Variants in LYPD1 observed in about 807,000 individuals in gnomAD.
The protein encoded by LYPD1 is ly6/PLAUR domain-containing protein 1.
Under a neutral mutation model 14.2 loss-of-function variants are expected in LYPD1, and 14 were observed. The ratio of observed to expected loss-of-function variants is 0.99; its 90% CI spans 0.65 to 1.54. LYPD1 has a LOEUF of 1.54. Among genes scored for constraint, LYPD1 ranks in the 40% most tolerant of loss-of-function variants. The pLI is 0.00. For synonymous variants in LYPD1, 85 were observed against 70.6 expected (o/e 1.20, Z -1.02); for missense variants, 165 against 175.7 (o/e 0.94, Z 0.34).
chr2:132,668,322 C>G (rs1683401635), intron 2 of LYPD1, 78 bp downstream of exon 2: 2 of 1,485,668 alleles, frequency 1.3e-6, no homozygotes, highest in Non-Finnish European at 9.0e-7. Context: ...AGTCCTTTTT[C>G]CTGCTATTTA....
chr2:132,661,942 A>G (rs903139205), intron 2 of LYPD1, among the ~76,000 whole-genome samples: 15 of 20,328 alleles, frequency 7.4e-4, no homozygotes, highest in Non-Finnish European at 1.1e-3. Context: ...ACCACAGCGG[A>G]AAAAAAAAAA....
intron 2 of LYPD1, among the ~76,000 whole-genome samples, chr2:132,647,327 G>T (rs1249617203): frequency 6.6e-6 from 1 of 152,254 alleles, no homozygotes; most frequent in Non-Finnish European, 1.5e-5. Flanking sequence ...TGTCAAGACG[G>T]TGTTTACTGT....
Position 132,645,978 on chromosome 2 carries a change from G to A in LYPD1, c.*67C>T. ...AGGACACCCAGAAGAAACTCACTCA[G>A]GGAGGTGGGGGGTTGGGGGCGAGGG... On this transcript the variant is annotated 3_prime_UTR_variant, in exon 3 of 3. Transcript: ENST00000397463. The A allele has an allele frequency of 8.2e-7, 1 of 1,223,580 alleles. No homozygotes were observed. Among genetic ancestry groups the A allele is most frequent in the South Asian group, 1.6e-5 (1 of 63,238 alleles). The allele number at this position is 1,223,580 out of a possible 1,614,324, so 75.8% of individuals were successfully genotyped here.
upstream of LYPD1, among the ~76,000 whole-genome samples, chr2:132,670,668 T>C (rs541392158): frequency 6.6e-6 from 1 of 152,236 alleles, no homozygotes; most frequent in African/African-American, 2.4e-5. This position sits in a 1 kb window ranked among gnomAD's most constrained non-coding sequence, Gnocchi z 4.5. Context: ...CCCGGGAGGC[T>C]GACAGGAAGG....
At position 132,647,478 on chromosome 2, in the gene LYPD1, G is replaced by A. The variant is rs535821145; in HGVS notation, c.191-1198C>T. On this transcript the variant is annotated intron_variant, in intron 2 of 2. Coordinates refer to ENST00000397463, the MANE Select transcript of LYPD1 (RefSeq NM_144586.7). ...CGGAGTCTTGCTCTGTCGCCCAGGC[G>A]CCCGCCACCACACCCGACTAACTTT... Among the ~76,000 whole-genome samples, 86 of 152,142 alleles carry A rather than the reference G, an allele frequency of 5.7e-4. 1 individual carries two copies. The highest frequency in any genetic ancestry group is 1.9e-3 in the African/African-American group (79 of 41,544).
At chr2:132,661,735 A>G (rs1435584322) in intron 2 of LYPD1, among the ~76,000 whole-genome samples, 1 of 152,142 alleles carries the variant, frequency 6.6e-6, no homozygotes. Context: ...GGCTGGGAAA[A>G]GGGGAAAATG....
At chr2:132,665,192 C>A (rs1043537834) in intron 2 of LYPD1, among the ~76,000 whole-genome samples, 2 of 152,174 alleles carry the variant, frequency 1.3e-5, no homozygotes, top group Non-Finnish European at 2.9e-5. Context: ...TTAAATGTAC[C>A]TGCCTCAAAA....
upstream of LYPD1, chr2:132,670,312 G>C (rs1291777660): frequency 3.5e-6 from 1 of 284,944 alleles, no homozygotes. The surrounding 1 kb of genome is among the most constrained non-coding windows in gnomAD (Gnocchi z 4.5). Context: ...TGGCGGGCGG[G>C]GAAGGCTGGG....
At chr2:132,647,152 G>A (rs1336184602) in intron 2 of LYPD1, among the ~76,000 whole-genome samples, 3 of 152,266 alleles carry the variant, frequency 2.0e-5, no homozygotes, top group African/African-American at 7.2e-5. Context: ...CACCCTTAGC[G>A]TGTCAGCTTC....
rs975480976 is a variant in LYPD1 at position 132,645,460 on chromosome 2, G to C, written c.*585C>G. 1 of 1,613,900 alleles carries C rather than the reference G, an allele frequency of 6.2e-7. No homozygotes were observed. On this transcript the variant is annotated 3_prime_UTR_variant, in exon 3 of 3. Coordinates refer to ENST00000397463, the MANE Select transcript of LYPD1 (RefSeq NM_144586.7). Reference sequence around the variant, plus strand: ...GCGCCAGTCCTCTGCAAGGAGAACTGAGAAGATTTTCTTAAGCACTTTTCA... The same window carrying C: ...GCGCCAGTCCTCTGCAAGGAGAACTCAGAAGATTTTCTTAAGCACTTTTCA...
chr2:132,669,749 C>T lies in LYPD1; in HGVS notation c.52+132G>A. On this transcript the variant is annotated intron_variant, in intron 1 of 2. Coordinates refer to ENST00000397463, the MANE Select transcript of LYPD1 (RefSeq NM_144586.7). This position sits in a 1 kb window ranked among gnomAD's most constrained non-coding sequence, Gnocchi z 4.3. ...GCCTCGCGCCCCGGGGCACCAGTCG[C>T]GGCCGCCAACTCCCGCTGGGCAGCC... is the stretch of plus-strand genomic sequence containing the variant. The T allele has an allele frequency of 6.9e-7, 1 of 1,456,340 alleles. No homozygotes were observed. The highest frequency in any genetic ancestry group is 9.0e-7 in the Non-Finnish European group (1 of 1,109,874). The allele number at this position is 1,456,340 out of a possible 1,614,324, so 90.2% of individuals were successfully genotyped here.
At chr2:132,667,934 C>T (rs1379048050) in intron 2 of LYPD1, among the ~76,000 whole-genome samples, 1 of 152,226 alleles carries the variant, frequency 6.6e-6, no homozygotes, top group Non-Finnish European at 1.5e-5. Flanking sequence ...TAAAATTAAA[C>T]AAAGATCCTG....
intron 2 of LYPD1, among the ~76,000 whole-genome samples, chr2:132,666,329 A>G (rs1326972526): frequency 6.6e-6 from 1 of 152,202 alleles, no homozygotes; most frequent in African/African-American, 2.4e-5. Context: ...TTTGATGCAG[A>G]AACAGATCCG....
rs755897457 is a variant in LYPD1 at position 132,645,630 on chromosome 2, T to A, written c.*415A>T. On this transcript the variant is annotated 3_prime_UTR_variant, in exon 3 of 3. Transcript: ENST00000397463. The stretch of plus-strand genomic sequence containing the variant: ...GAATGTCAAGCGAGGGAGCCTTGAG[T>A]GGGAACTGGCCCTCCAGCCCTAAGA... 6.3e-7 allele frequency: 1 copy of A among 1,595,586 alleles called. No homozygotes were observed. The highest frequency in any genetic ancestry group is 8.5e-7 in the Non-Finnish European group (1 of 1,171,106).
At chr2:132,651,367 C>T (rs1682357018) in intron 2 of LYPD1, among the ~76,000 whole-genome samples, 1 of 152,058 alleles carries the variant, frequency 6.6e-6, no homozygotes, top group Admixed American at 6.6e-5. Flanking sequence ...CTCAGGGTCA[C>T]GGGGCAGGGG....
chr2:132,645,998 C>CGAGGGCTGGAAGAACAATGCA lies in LYPD1; in HGVS notation c.*26_*46dup. ...ACTCAGGGAGGTGGGGGGTTGGGGG[C>CGAGGGCTGGAAGAACAATGCA]GAGGGCTGGAAGAACAATGCAGGAG... is the stretch of plus-strand genomic sequence containing the variant. On this transcript the variant is annotated 3_prime_UTR_variant, in exon 3 of 3. Transcript: ENST00000397463. 1 of 1,403,144 alleles carries CGAGGGCTGGAAGAACAATGCA rather than the reference C, an allele frequency of 7.1e-7. No individual in the cohort carries two copies. The highest frequency in any genetic ancestry group is 2.4e-5 in the East Asian group (1 of 40,986). 86.9% of individuals were successfully genotyped at this position (1,403,144 alleles called of 1,614,324 possible). A position where few individuals can be genotyped will look rare whatever the true frequency, so the allele number is the denominator to read the frequency against.
rs1004979666 is a variant in LYPD1, at chr2:132,662,340, T to C, written c.190+6060A>G. Among the ~76,000 whole-genome samples, 4 of 152,324 alleles carry C rather than the reference T, an allele frequency of 2.6e-5. No homozygotes were observed. In the East Asian group the frequency reaches 7.7e-4, roughly 29 times the overall value. On this transcript the variant is annotated intron_variant, in intron 2 of 2. Coordinates refer to ENST00000397463, the MANE Select transcript of LYPD1 (RefSeq NM_144586.7). ...CTCATAAGAAAACAGTCAGCCTGTTTCTACATTTTACAAGGGGGGAGGCTA... is the reference window on the plus strand; with the variant it reads ...CTCATAAGAAAACAGTCAGCCTGTTCCTACATTTTACAAGGGGGGAGGCTA...
chr2:132,655,600 C>T (rs1325626122), intron 2 of LYPD1, among the ~76,000 whole-genome samples: 1 of 145,144 alleles, frequency 6.9e-6, no homozygotes, highest in Non-Finnish European at 1.5e-5. Context: ...CTGCAACCTC[C>T]GCCTCCTGGG....
chr2:132,649,758 A>AGCATGT (rs1682279688), intron 2 of LYPD1, among the ~76,000 whole-genome samples: 1 of 152,194 alleles, frequency 6.6e-6, no homozygotes, highest in Non-Finnish European at 1.5e-5. Context: ...GTGAGGACTT[A>AGCATGT]GAACTCCTGA....
Sources: allele counts gnomAD v4.1 joint callset (sites outside exome capture counted in the v4.1 genomes callset), GRCh38; gene constraint gnomAD v4.1.1; non-coding constraint Gnocchi (gnomAD v3.1); transcripts MANE v1.5; gene names NCBI Gene and HGNC (gene_info 2026-07-23, HGNC 2026-07-21).